The following KCNB2 variants were observed in gnomAD, a reference collection of about 807,000 sequenced individuals.
KCNB2 encodes the protein potassium voltage-gated channel subfamily B member 2.
Under a neutral mutation model 61.5 loss-of-function variants are expected in KCNB2, and 15 were observed. The ratio of observed to expected loss-of-function variants is 0.24; its 90% CI spans 0.16 to 0.38. The LOEUF is 0.38. Ranked by LOEUF, KCNB2 falls within the 10% of genes least tolerant of loss-of-function variation. The pLI is 1.00. For missense variants in KCNB2, 828 were observed against 1,125.2 expected (o/e 0.74, Z 3.78); for synonymous variants, 457 against 446.0 (o/e 1.02, Z -0.31).
intron 2 of KCNB2, among the ~76,000 whole-genome samples, chr8:72,688,085 C>T (rs1044636679): frequency 3.3e-5 from 5 of 152,084 alleles, no homozygotes; most frequent in Non-Finnish European, 7.4e-5. Flanking sequence ...GGGCCCTGAG[C>T]GTTCACTGAG....
chr8:72,702,745 G>T (rs1015809570), intron 2 of KCNB2, among the ~76,000 whole-genome samples: 2 of 152,170 alleles, frequency 1.3e-5, no homozygotes, highest in Admixed American at 1.3e-4. Flanking sequence ...TTGTTTAAGG[G>T]AATCCTTTCA....
In KCNB2 at chr8:72,567,868, A is replaced by G. The variant is rs750280381; in HGVS notation, c.134A>G (p.Asn45Ser). The G allele has an allele frequency of 1.2e-6, 2 of 1,614,066 alleles. No homozygotes were observed. The highest frequency in any genetic ancestry group is 1.1e-5 in the South Asian group (1 of 91,070). The change falls in exon 2 of 3, where the codon AAC becomes AGC. Residue 45 changes from asparagine to serine, a missense_variant. Asn to Ser is a conservative substitution (Grantham distance 46, BLOSUM62 1). Coordinates refer to ENST00000523207, the MANE Select transcript of KCNB2 (RefSeq NM_004770.3). Reference sequence around the variant, plus strand: ...GTTAAGATCAATGTGGGGGGCCTCAACCACGAAGTCCTGTGGAGAACGCTG... The same window carrying G: ...GTTAAGATCAATGTGGGGGGCCTCAGCCACGAAGTCCTGTGGAGAACGCTG... ...RRVKINVGGL[N>S]HEVLWRTLDR...
Position 72,937,147 on chromosome 8 carries a change from A to C in KCNB2, c.1792A>C (p.Lys598Gln), listed in dbSNP as rs1239056499. The change falls in exon 3 of 3, where the codon AAG becomes CAG. Residue 598 changes from lysine to glutamine, a missense_variant. Physicochemically the swap from Lys to Gln is moderately conservative, Grantham distance 53 (BLOSUM62 1). Coordinates refer to ENST00000523207, the MANE Select transcript of KCNB2 (RefSeq NM_004770.3). Reference sequence around the variant, plus strand: ...ACAGACCGAGGTCATTGTGGACATGAAGAGCACCTCCAGCATCGACAGCTT... The same window carrying C: ...ACAGACCGAGGTCATTGTGGACATGCAGAGCACCTCCAGCATCGACAGCTT... The part of the protein sequence containing the change: ...VAQTEVIVDM[K>Q]STSSIDSFTS... 6.2e-7 allele frequency: 1 copy of C among 1,613,998 alleles called. No individual in the cohort carries two copies. The highest frequency in any genetic ancestry group is 8.5e-7 in the Non-Finnish European group (1 of 1,180,000).
At chr8:72,718,578 A>C (rs1807488557) in intron 2 of KCNB2, among the ~76,000 whole-genome samples, 1 of 148,788 alleles carries the variant, frequency 6.7e-6, no homozygotes, top group South Asian at 2.2e-4. Context: ...AAAACCAAAC[A>C]CCGCATGTTC....
At chr8:72,767,894 T>C (rs541122228) in intron 2 of KCNB2, among the ~76,000 whole-genome samples, 15 of 152,206 alleles carry the variant, frequency 9.9e-5, no homozygotes, top group African/African-American at 3.4e-4. Flanking sequence ...ATTTGTCTTT[T>C]TTATTATAGC....
At chr8:72,548,340 G>C (rs1806291196) in intron 1 of KCNB2, among the ~76,000 whole-genome samples, 1 of 152,154 alleles carries the variant, frequency 6.6e-6, no homozygotes, top group African/African-American at 2.4e-5. Flanking sequence ...AATGAACAAT[G>C]GGAGACATAA....
intron 1 of KCNB2, among the ~76,000 whole-genome samples, chr8:72,551,640 C>T (rs1429823211): frequency 1.3e-5 from 2 of 152,092 alleles, no homozygotes. Context: ...TTCTTGGCTC[C>T]CAGAGCAGGG....
intron 2 of KCNB2, among the ~76,000 whole-genome samples, chr8:72,590,071 A>G: frequency 6.6e-6 from 1 of 152,182 alleles, no homozygotes; most frequent in East Asian, 1.9e-4. Flanking sequence ...ATGCTTTTCA[A>G]AGGAGGTGTT....
At chr8:72,928,681 G>GACACACAC (rs10606839) in intron 2 of KCNB2, among the ~76,000 whole-genome samples, 66 of 143,834 alleles carry the variant, frequency 4.6e-4, no homozygotes, top group African/African-American at 1.5e-3. Flanking sequence ...CACACACACA[G>GACACACAC]ACACACACAC....
chr8:72,840,457 C>T (rs1428919787), intron 2 of KCNB2, among the ~76,000 whole-genome samples: 1 of 152,200 alleles, frequency 6.6e-6, no homozygotes, highest in East Asian at 1.9e-4. Flanking sequence ...AATGGTATTT[C>T]TGGTTCTAGA....
At chr8:72,640,126 A>G (rs969618428) in intron 2 of KCNB2, among the ~76,000 whole-genome samples, 4 of 152,060 alleles carry the variant, frequency 2.6e-5, no homozygotes, top group Non-Finnish European at 5.9e-5. Context: ...TTGTTAGGCA[A>G]GAAATGAAGG....
chr8:72,580,539 G>A (rs560918768), intron 2 of KCNB2, among the ~76,000 whole-genome samples: 1 of 152,192 alleles, frequency 6.6e-6, no homozygotes, highest in South Asian at 2.1e-4. Flanking sequence ...CTATCCCACA[G>A]GACAACAGTG....
chr8:72,638,163 C>T (rs1805997365), intron 2 of KCNB2, among the ~76,000 whole-genome samples: 1 of 152,136 alleles, frequency 6.6e-6, no homozygotes, highest in African/African-American at 2.4e-5. Flanking sequence ...AGTCCAGTAT[C>T]CGCCATTCAG....
rs1243055607 is a variant in KCNB2 at position 72,597,384 on chromosome 8, A to G, written c.579+29071A>G. On this transcript the variant is annotated intron_variant, in intron 2 of 2. Coordinates refer to ENST00000523207, the MANE Select transcript of KCNB2 (RefSeq NM_004770.3). ...GGATCAACCCACTGCATAAAGGAAT[A>G]TGAAAGTCTGGAGTCTACAGCTTTT... is the stretch of plus-strand genomic sequence containing the variant. Among the ~76,000 whole-genome samples, 6 of 152,164 alleles carry G rather than the reference A, an allele frequency of 3.9e-5. No homozygotes were observed. The East Asian group carries it at 9.7e-4, about 25-fold the overall frequency.
chr8:72,698,236 C>A (rs1807050946), intron 2 of KCNB2, among the ~76,000 whole-genome samples: 1 of 149,852 alleles, frequency 6.7e-6, no homozygotes, highest in Non-Finnish European at 1.5e-5. Flanking sequence ...CAAACTCAAG[C>A]AAAATCAAGA....
rs374088764 is a variant in KCNB2 at position 72,936,018 on chromosome 8, G to A, written c.663G>A (p.Thr221=). 11 of 1,614,138 alleles carry A rather than the reference G, an allele frequency of 6.8e-6. No homozygotes were observed. Among genetic ancestry groups the A allele is most frequent in the Admixed American group, 3.3e-5 (2 of 60,006 alleles). Residue 221 remains threonine, a synonymous_variant, in exon 3 of 3, where the codon ACG becomes ACA. Coordinates refer to ENST00000523207, the MANE Select transcript of KCNB2 (RefSeq NM_004770.3). The surrounding 1 kb of genome is among the most constrained non-coding windows in gnomAD (Gnocchi z 5.6). ...SLNTLPELQE[T]DEFGQLNDNR... ...ATACGCTGCCGGAGCTGCAGGAAAC[G>A]GACGAATTTGGACAACTCAATGACA...
intron 2 of KCNB2, among the ~76,000 whole-genome samples, chr8:72,866,913 G>A (rs1359367774): frequency 1.3e-5 from 2 of 152,152 alleles, no homozygotes; most frequent in Non-Finnish European, 2.9e-5. Context: ...AACCCCCAGT[G>A]TGTGCCTGTG....
At chr8:72,715,430 A>C (rs1395173742) in intron 2 of KCNB2, among the ~76,000 whole-genome samples, 1 of 149,198 alleles carries the variant, frequency 6.7e-6, no homozygotes, top group Admixed American at 6.7e-5. Flanking sequence ...TCCTCAGCAA[A>C]TGTAAAAGAA....
At chr8:72,743,781 T>C (rs892968880) in intron 2 of KCNB2, among the ~76,000 whole-genome samples, 3 of 152,166 alleles carry the variant, frequency 2.0e-5, no homozygotes, top group African/African-American at 7.2e-5. Flanking sequence ...CATATTATTA[T>C]ACAGATTCAA....
Sources: allele counts gnomAD v4.1 joint callset (sites outside exome capture counted in the v4.1 genomes callset), GRCh38; gene constraint gnomAD v4.1.1; non-coding constraint Gnocchi (gnomAD v3.1); transcripts MANE v1.5; gene names NCBI Gene and HGNC (gene_info 2026-07-23, HGNC 2026-07-21).